GPR89B: variants seen among roughly 807,000 people sequenced by gnomAD.
The protein encoded by GPR89B is G protein-coupled receptor 89B.
A neutral mutation model predicts 52.4 loss-of-function variants in GPR89B; 25 were observed. The ratio of observed to expected loss-of-function variants is 0.48; its 90% CI spans 0.35 to 0.67. The LOEUF (loss-of-function observed/expected upper bound fraction) is 0.67. Ranked by LOEUF, GPR89B falls within the 30% of genes least tolerant of loss-of-function variation. The probability of loss-of-function intolerance (pLI) is 0.01; values close to 1 mark genes in which losing one functional copy is unlikely to be tolerated. For missense variants in GPR89B, 146 were observed against 450.2 expected, an observed-to-expected ratio of 0.32 and a Z score of 6.11; for synonymous variants, 52 against 151.2, an observed-to-expected ratio of 0.34 and a Z score of 4.81.
the GPR89B span, among the ~76,000 whole-genome samples, chr1:147,999,812 G>A: frequency 2.0e-5 from 3 of 151,870 alleles, no homozygotes; most frequent in Non-Finnish European, 4.4e-5. Flanking sequence ...GATGTGTGAG[G>A]CATTATTCTA....
At chr1:148,020,939 C>T in the GPR89B span, among the ~76,000 whole-genome samples, 4 of 151,692 alleles carry the variant, frequency 2.6e-5, no homozygotes, top group Non-Finnish European at 5.9e-5. Flanking sequence ...CCACCAGCTT[C>T]GGCCTCCCAA....
the GPR89B span, among the ~76,000 whole-genome samples, chr1:148,003,354 G>A: frequency 6.6e-6 from 1 of 151,936 alleles, no homozygotes; most frequent in Non-Finnish European, 1.5e-5. Context: ...TCGGCCTCAG[G>A]TCCAGCGGTG....
the GPR89B span, chr1:148,005,570 A>G: frequency 2.7e-6 from 3 of 1,106,304 alleles, no homozygotes; most frequent in Non-Finnish European, 3.9e-6. Context: ...TTGGATGGTA[A>G]TCTGTGATGT....
chr1:147,962,384 G>C (rs2796980), intron 7 of GPR89B, among the ~76,000 whole-genome samples: 3 of 148,528 alleles, frequency 2.0e-5, no homozygotes, highest in Non-Finnish European at 4.4e-5. Flanking sequence ...AGATTGCTCC[G>C]CTGCCCTCCA....
chr1:148,010,160 C>G, the GPR89B span: 4 of 152,210 alleles, frequency 2.6e-5, no homozygotes, highest in African/African-American at 9.7e-5. Flanking sequence ...GAAAACAGAG[C>G]TAACAAAGCA....
chr1:147,940,096 T>G (rs1241238999), intron 3 of GPR89B, among the ~76,000 whole-genome samples: 18 of 151,714 alleles, frequency 1.2e-4, no homozygotes, highest in Non-Finnish European at 2.2e-4. Context: ...ATTCTCCTGC[T>G]TTTAAACTTT....
chr1:148,006,038 C>T, the GPR89B span, among the ~76,000 whole-genome samples: 56 of 152,220 alleles, frequency 3.7e-4, no homozygotes, highest in African/African-American at 1.3e-3. Context: ...AACAAACTTC[C>T]GATTTTAGAG....
chr1:148,006,525 A>G, the GPR89B span, among the ~76,000 whole-genome samples: 1 of 152,082 alleles, frequency 6.6e-6, no homozygotes, highest in East Asian at 1.9e-4. Context: ...TGGAGGCCTG[A>G]AACTTTAAGA....
intron 1 of GPR89B, among the ~76,000 whole-genome samples, chr1:147,935,061 T>C (rs1377919203): frequency 6.6e-6 from 1 of 151,924 alleles, no homozygotes; most frequent in East Asian, 1.9e-4. Context: ...AAATCACACA[T>C]TACAAAACTG....
At chr1:147,980,837 A>G (rs1658190521) in intron 10 of GPR89B, among the ~76,000 whole-genome samples, 2 of 149,824 alleles carry the variant, frequency 1.3e-5, no homozygotes, top group Admixed American at 1.3e-4. Context: ...AAAAAAAAAA[A>G]AAAAAAAAAG....
At chr1:148,019,848 G>A in the GPR89B span, among the ~76,000 whole-genome samples, 3 of 151,900 alleles carry the variant, frequency 2.0e-5, no homozygotes, top group Non-Finnish European at 4.4e-5. Context: ...AAGAATTCTG[G>A]GAGTGAAATG....
chr1:147,948,144 C>T (rs1335538203), intron 5 of GPR89B, among the ~76,000 whole-genome samples: 18 of 150,640 alleles, frequency 1.2e-4, no homozygotes, highest in Non-Finnish European at 2.2e-4. Context: ...AGAAAAATGC[C>T]GATAATGTAG....
chr1:147,961,904 G>A (rs1271096908), intron 7 of GPR89B, among the ~76,000 whole-genome samples: 14 of 151,764 alleles, frequency 9.2e-5, no homozygotes, highest in Non-Finnish European at 1.9e-4. Flanking sequence ...CAAATTTAAT[G>A]TTATTCATTT....
the GPR89B span, among the ~76,000 whole-genome samples, chr1:148,012,830 A>T: frequency 6.6e-6 from 1 of 152,044 alleles, no homozygotes; most frequent in African/African-American, 2.4e-5. Flanking sequence ...ATACATTGAT[A>T]GGTTGGCCAC....
intron 12 of GPR89B, among the ~76,000 whole-genome samples, chr1:147,989,299 T>G (rs1368921045): frequency 2.0e-5 from 3 of 152,216 alleles, no homozygotes; most frequent in African/African-American, 7.2e-5. Flanking sequence ...AAAAAATGTT[T>G]CATTCAACAT....
chr1:148,012,620 C>T, the GPR89B span, among the ~76,000 whole-genome samples: 3 of 151,622 alleles, frequency 2.0e-5, no homozygotes, highest in Non-Finnish European at 2.9e-5. Flanking sequence ...ACACTCTTGT[C>T]GCCAGCACTG....
chr1:147,983,138 G>A (rs1205811806), intron 10 of GPR89B, among the ~76,000 whole-genome samples: 1 of 152,072 alleles, frequency 6.6e-6, no homozygotes, highest in African/African-American at 2.4e-5. Flanking sequence ...AGATGAAACT[G>A]GATCCCTTCC....
the GPR89B span, among the ~76,000 whole-genome samples, chr1:148,021,681 C>T: frequency 1.3e-5 from 2 of 151,658 alleles, no homozygotes; most frequent in African/African-American, 4.9e-5. Context: ...GAAGAATGGG[C>T]CCCCAGTGGA....
the GPR89B span, among the ~76,000 whole-genome samples, chr1:148,016,045 C>A: frequency 3.1e-4 from 46 of 146,578 alleles, no homozygotes; most frequent in South Asian, 2.2e-4. Flanking sequence ...TATAAACCCA[C>A]AACCCATTGT....
Sources: allele counts gnomAD v4.1 joint callset (sites outside exome capture counted in the v4.1 genomes callset), GRCh38; gene constraint gnomAD v4.1.1; transcripts MANE v1.5; gene names NCBI Gene and HGNC (gene_info 2026-07-23, HGNC 2026-07-21).